Variants in TBC1D19 observed in about 807,000 individuals in gnomAD.
TBC1D19 encodes TBC1 domain family, member 19.
Under a neutral mutation model 89.0 loss-of-function variants are expected in TBC1D19, and 60 were observed. That is an observed-to-expected ratio of 0.67 (90% CI 0.55 to 0.84). TBC1D19 has a LOEUF of 0.84. Ranked by LOEUF, TBC1D19 falls within the 40% of genes least tolerant of loss-of-function variation. TBC1D19 has a pLI of 0.00. For missense variants in TBC1D19, 500 were observed against 610.8 expected (o/e 0.82, Z 1.91); for synonymous variants, 189 against 199.7 (o/e 0.95, Z 0.45).
the TBC1D19 span, among the ~76,000 whole-genome samples, chr4:26,845,809 C>G: frequency 6.6e-6 from 1 of 152,166 alleles, no homozygotes; most frequent in Non-Finnish European, 1.5e-5. Flanking sequence ...AAGGATTTCT[C>G]CTTATAAAAC....
intron 11 of TBC1D19, among the ~76,000 whole-genome samples, chr4:26,682,301 T>C (rs1713417407): frequency 6.6e-6 from 1 of 152,122 alleles, no homozygotes; most frequent in Non-Finnish European, 1.5e-5. Flanking sequence ...AGTTAAAAAA[T>C]GAAAACATCA....
intron 15 of TBC1D19, among the ~76,000 whole-genome samples, chr4:26,731,631 A>T (rs79101128): frequency 0.015 from 2,327 of 152,248 alleles, 54 homozygotes; most frequent in African/African-American, 0.051. Context: ...GAAAACAAGT[A>T]TACAGAGTCT....
intron 3 of TBC1D19, among the ~76,000 whole-genome samples, chr4:26,618,222 T>TTACAG (rs1349766194): frequency 1.3e-5 from 2 of 152,150 alleles, no homozygotes; most frequent in African/African-American, 4.8e-5. Context: ...AAAGAGGCAA[T>TTACAG]TACAGTACAG....
intron 3 of TBC1D19, among the ~76,000 whole-genome samples, chr4:26,619,207 CTT>C (rs780946990): frequency 7.2e-5 from 10 of 139,686 alleles, no homozygotes; most frequent in Non-Finnish European, 6.3e-5. Flanking sequence ...TCCTAAATTT[CTT>C]TTTTTTTTTT....
At chr4:26,814,376 G>C in the TBC1D19 span, among the ~76,000 whole-genome samples, 1 of 152,226 alleles carries the variant, frequency 6.6e-6, no homozygotes. Context: ...GAGCTCTTGA[G>C]AAAGTAGAAT....
chr4:26,683,833 T>TATA, intron 12 of TBC1D19, 84 bp downstream of exon 12: 1 of 1,058,856 alleles, frequency 9.4e-7, no homozygotes. Flanking sequence ...CTGTGCTATG[T>TATA]ATGATATATA....
At chr4:26,786,769 A>G in the TBC1D19 span, among the ~76,000 whole-genome samples, 1 of 146,776 alleles carries the variant, frequency 6.8e-6, no homozygotes, top group African/African-American at 2.5e-5. Context: ...GGATGGATGG[A>G]TGGATGGATG....
chr4:26,777,188 G>A, the TBC1D19 span, among the ~76,000 whole-genome samples: 1 of 146,244 alleles, frequency 6.8e-6, no homozygotes, highest in Non-Finnish European at 1.5e-5. Flanking sequence ...AGGATGGAGT[G>A]CAATGGTGCA....
rs532382534 is a variant in TBC1D19 at position 26,671,715 on chromosome 4, G to T, written c.665-434G>T. 2.6e-5 allele frequency among the ~76,000 whole-genome samples: 4 copies of T among 151,794 alleles called. No individual in the cohort carries two copies. The South Asian group carries it at 8.3e-4, about 31-fold the overall frequency. On this transcript the variant is annotated intron_variant, in intron 9 of 20. Transcript: ENST00000264866. ...TAGATTGGAGTGGAAGTAGGGTTTT[G>T]TAAATGAAGCTGTCAATAAGTTTTG... is the stretch of plus-strand genomic sequence containing the variant.
At chr4:26,657,833 G>T (rs896575104) in intron 7 of TBC1D19, among the ~76,000 whole-genome samples, 1 of 152,140 alleles carries the variant, frequency 6.6e-6, no homozygotes, top group Non-Finnish European at 1.5e-5. Flanking sequence ...TCTCTAATTA[G>T]CAGTAATGAT....
the TBC1D19 span, among the ~76,000 whole-genome samples, chr4:26,855,655 T>C: frequency 1.3e-5 from 2 of 152,220 alleles, no homozygotes; most frequent in African/African-American, 4.8e-5. Context: ...GGGCAGCCCT[T>C]TGAAGCTTTT....
At chr4:26,578,194 C>T (rs980777181) in intron 1 of TBC1D19, among the ~76,000 whole-genome samples, 10 of 152,146 alleles carry the variant, frequency 6.6e-5, no homozygotes, top group East Asian at 1.9e-4. Flanking sequence ...ACAGTGGGCC[C>T]GCCAGTTATG....
the TBC1D19 span, among the ~76,000 whole-genome samples, chr4:26,798,674 T>C: frequency 1.3e-5 from 2 of 151,490 alleles, no homozygotes; most frequent in African/African-American, 4.8e-5. Context: ...TAAAGAAATA[T>C]ATACCATGGA....
chr4:26,802,664 A>G, the TBC1D19 span, among the ~76,000 whole-genome samples: 1 of 152,234 alleles, frequency 6.6e-6, no homozygotes, highest in Non-Finnish European at 1.5e-5. Context: ...AGCAAGATAC[A>G]GAAAAAAATA....
chr4:26,766,465 C>T, the TBC1D19 span, among the ~76,000 whole-genome samples: 1 of 152,162 alleles, frequency 6.6e-6, no homozygotes, highest in African/African-American at 2.4e-5. Flanking sequence ...AAATACGCAA[C>T]CACTGTGTGA....
Position 26,638,795 on chromosome 4 carries a change from C to T in TBC1D19, c.394C>T (p.Leu132Phe). ...RKRPVGEQKELLNKWNEMGTD... is the reference protein window; with the variant it reads ...RKRPVGEQKEFLNKWNEMGTD... ...GAGGCCAGTTGGAGAACAGAAAGAACTTCTTAATAAATGGAATGAAATGGG... is the reference window on the plus strand; with the variant it reads ...GAGGCCAGTTGGAGAACAGAAAGAATTTCTTAATAAATGGAATGAAATGGG... The change falls in exon 6 of 21, where the codon CTT (leucine) becomes TTT (phenylalanine). Residue 132 changes from leucine to phenylalanine, a missense_variant. Leu to Phe is a conservative substitution (Grantham distance 22). Around this residue, in one of 2 missense-constraint regions of TBC1D19, gnomAD observed 280 missense variants for 291.7 expected, o/e 0.96. Transcript: ENST00000264866. The T allele has an allele frequency of 6.2e-7, 1 of 1,611,140 alleles. No homozygotes were observed. Among genetic ancestry groups the T allele is most frequent in the South Asian group, 1.1e-5 (1 of 89,936 alleles).
chr4:26,588,601 G>C (rs1467908659), intron 1 of TBC1D19, among the ~76,000 whole-genome samples: 1 of 151,978 alleles, frequency 6.6e-6, no homozygotes, highest in East Asian at 1.9e-4. Flanking sequence ...TTAGGATATA[G>C]TCTATTGCCA....
the TBC1D19 span, among the ~76,000 whole-genome samples, chr4:26,852,301 C>T: frequency 1.3e-5 from 2 of 152,142 alleles, no homozygotes; most frequent in South Asian, 2.1e-4. Flanking sequence ...CACCTATAAT[C>T]CCAGCACTTT....
chr4:26,799,963 G>C, the TBC1D19 span, among the ~76,000 whole-genome samples: 1 of 151,972 alleles, frequency 6.6e-6, no homozygotes, highest in Non-Finnish European at 1.5e-5. Flanking sequence ...AAAAAACTGT[G>C]TATAGATTTA....
Sources: gnomAD v4.1 joint callset for allele counts (sites outside exome capture counted in the v4.1 genomes callset) on GRCh38, gnomAD v4.1.1 for gene constraint, gnomAD v4.1.1 regional missense constraint, MANE v1.5 for transcripts, NCBI Gene and HGNC (gene_info 2026-07-23, HGNC 2026-07-21) for gene names.